The following FABP1 variants were observed in gnomAD, a reference collection of about 807,000 sequenced individuals.
The protein encoded by FABP1 is fatty acid-binding protein, liver.
A neutral mutation model predicts 13.7 loss-of-function variants in FABP1; 13 were observed. That is an observed-to-expected ratio of 0.95 (90% confidence interval 0.62 to 1.51). The LOEUF is 1.51. Ranked by LOEUF, FABP1 falls within the 40% of genes most tolerant of loss-of-function variation. FABP1 has a pLI of 0.00. For missense variants in FABP1, 140 were observed against 155.7 expected (o/e 0.90, Z 0.54); for synonymous variants, 48 against 59.8 (o/e 0.80, Z 0.91).
In FABP1 at chr2:88,126,306, C is replaced by CCCTTGATAT; in HGVS notation, c.101_109dup (p.Asp34_Lys36dup). On this transcript the variant is annotated inframe_insertion, in exon 2 of 4. Coordinates refer to ENST00000295834, the MANE Select transcript of FABP1 (RefSeq NM_001443.3). ...CCCATTCTGCACGATTTCCGACACC[C>CCCTTGATAT]CCTTGATATCCTTCCCCTTCTGGAT... 1 of 1,613,988 alleles carries CCCTTGATAT rather than the reference C, an allele frequency of 6.2e-7. No homozygotes were observed. Among genetic ancestry groups the CCCTTGATAT allele is most frequent in the South Asian group, 1.1e-5 (1 of 91,062 alleles).
In FABP1 at chr2:88,123,083, C is replaced by G; in HGVS notation, c.355G>C (p.Val119Leu). ...ITNTMTLGDI[V>L]FKRISKRI Reference sequence around the variant, plus strand: ...ATTCTCTTGCTGATTCTCTTGAAGACAATGTCACCCAATGTCATGGTCTGA... The same window carrying G: ...ATTCTCTTGCTGATTCTCTTGAAGAGAATGTCACCCAATGTCATGGTCTGA... The change falls in exon 4 of 4, where the codon GTC becomes CTC. Residue 119 changes from valine (V) to leucine (L), a missense_variant. Transcript: ENST00000295834. The G allele has an allele frequency of 1.2e-6, 2 of 1,611,758 alleles. No homozygotes were observed. Among genetic ancestry groups the G allele is most frequent in the Non-Finnish European group, 1.7e-6 (2 of 1,179,134 alleles).
intron 1 of FABP1, chr2:88,126,650 T>G: frequency 3.8e-5 from 10 of 262,356 alleles, no homozygotes; most frequent in East Asian, 6.8e-5. Context: ...TCCTTCCTCA[T>G]TCCCTCCTCC....
At position 88,126,225 on chromosome 2, in the gene FABP1, G is replaced by T. The variant is rs1421294364; in HGVS notation, c.191C>A (p.Thr64Lys). The change falls in exon 2 of 4, where the codon ACG becomes AAG. Residue 64 changes from threonine (T) to lysine (K), a missense_variant. By Grantham distance (78) the Thr-to-Lys change is moderately conservative. Transcript: ENST00000295834. ...AGSKVIQNEF[T>K]VGEECELETM... ...CTCCAGCTCACATTCCTCCCCCACC[G>T]TGAATTCGTTTTGGATCACTTTGGA... is the stretch of plus-strand genomic sequence containing the variant. 2 of 1,611,674 alleles carry T rather than the reference G, an allele frequency of 1.2e-6. No homozygotes were observed. Among genetic ancestry groups the T allele is most frequent in the Non-Finnish European group, 8.5e-7 (1 of 1,178,226 alleles).
At position 88,126,192 on chromosome 2, in the gene FABP1, G is replaced by C. The variant is rs763406593; in HGVS notation, c.224C>G (p.Thr75Arg). The change falls in exon 2 of 4, where the codon ACA (threonine) becomes AGA (arginine). Residue 75 changes from threonine (T) to arginine (R), a missense_variant. Transcript: ENST00000295834. ...CCCTCCTACCTTGACTTTCTCCCCT[G>C]TCATTGTCTCCAGCTCACATTCCTC... ...VGEECELETM[T>R]GEKVKTVVQL... 1.9e-6 allele frequency: 3 copies of C among 1,608,430 alleles called. No individual in the cohort carries two copies. The Admixed American group carries it at 5.0e-5, about 27-fold the overall frequency.
chr2:88,126,411 T>C (rs1345822334), intron 1 of FABP1, 63 bp from the exon 2 acceptor site: 8 of 1,542,206 alleles, frequency 5.2e-6, no homozygotes, highest in Non-Finnish European at 7.1e-6. Flanking sequence ...CCGTGGTAGG[T>C]AGGTGAGAGA....
intron 1 of FABP1, among the ~76,000 whole-genome samples, chr2:88,127,339 T>A (rs180699283): frequency 6.6e-6 from 1 of 152,294 alleles, no homozygotes; most frequent in East Asian, 1.9e-4. Context: ...CAATCCTAAC[T>A]TAAACACTTC....
rs1268462502 is a variant in FABP1 at position 88,126,252 on chromosome 2, C to T, written c.164G>A (p.Gly55Glu). Reference protein sequence around the residue: ...GKHFKFTITAGSKVIQNEFTV... With the variant: ...GKHFKFTITAESKVIQNEFTV... ...GAATTCGTTTTGGATCACTTTGGACCCAGCGGTGATGGTGAACTTGAAGTG... is the reference window on the plus strand; with the variant it reads ...GAATTCGTTTTGGATCACTTTGGACTCAGCGGTGATGGTGAACTTGAAGTG... The change falls in exon 2 of 4, where the codon GGG becomes GAG. Residue 55 changes from glycine to glutamate, a missense_variant. By Grantham distance (98) the Gly-to-Glu change is moderately conservative. Transcript: ENST00000295834. The T allele has an allele frequency of 1.2e-6, 2 of 1,613,856 alleles. No homozygotes were observed. Among genetic ancestry groups the T allele is most frequent in the Non-Finnish European group, 1.7e-6 (2 of 1,179,908 alleles).
intron 3 of FABP1, 104 bp downstream of exon 3, chr2:88,124,383 GGGTTGGA>G: frequency 1.4e-6 from 1 of 701,562 alleles, no homozygotes; most frequent in Non-Finnish European, 2.4e-6. Context: ...AGAAGTTTGG[GGGTTGGA>G]GGGTGGAGGG....
chr2:88,124,176 T>C, intron 3 of FABP1: 1 of 292,322 alleles, frequency 3.4e-6, no homozygotes. Flanking sequence ...GCTGCCATAA[T>C]ATGACCATGA....
intron 2 of FABP1, among the ~76,000 whole-genome samples, chr2:88,125,429 G>A (rs1388748188): frequency 6.6e-6 from 1 of 152,166 alleles, no homozygotes; most frequent in Non-Finnish European, 1.5e-5. Flanking sequence ...ACGGGGAGGA[G>A]AGAAGAGGGC....
intron 3 of FABP1, 33 bp from the exon 4 acceptor site, chr2:88,123,137 A>C: frequency 1.9e-6 from 3 of 1,580,330 alleles, no homozygotes; most frequent in Non-Finnish European, 2.6e-6. Flanking sequence ...TGAAGTGTTC[A>C]TCTGATGTTG....
intron 3 of FABP1, 109 bp downstream of exon 3, chr2:88,124,385 G>A: frequency 8.4e-6 from 6 of 717,436 alleles, no homozygotes; most frequent in East Asian, 2.7e-5. Context: ...AAGTTTGGGG[G>A]TTGGAGGGTG....
chr2:88,125,941 A>G, intron 2 of FABP1: 1 of 410,200 alleles, frequency 2.4e-6, no homozygotes, highest in East Asian at 3.5e-5. Flanking sequence ...TCCATATGGG[A>G]GAGCTCAGAC....
In FABP1 at chr2:88,123,062, T is replaced by C. The variant is rs1328118091; in HGVS notation, c.376A>G (p.Arg126Gly). ...ATGAAATGCAGACTTGTTTAAATTC[T>C]CTTGCTGATTCTCTTGAAGACAATG... Reference protein sequence around the residue: ...GDIVFKRISKRI With the variant: ...GDIVFKRISKGI The change falls in exon 4 of 4, where the codon AGA becomes GGA. Residue 126 changes from arginine (R) to glycine (G), a missense_variant. Physicochemically the swap from Arg to Gly is moderately radical, Grantham distance 125. Transcript: ENST00000295834. The C allele has an allele frequency of 6.2e-7, 1 of 1,610,362 alleles. No individual in the cohort carries two copies. The highest frequency in any genetic ancestry group is 8.5e-7 in the Non-Finnish European group (1 of 1,178,602).
At chr2:88,126,036 GTC>G (rs1675290182) in intron 2 of FABP1, 138 bp downstream of exon 2, 3 of 864,626 alleles carry the variant, frequency 3.5e-6, no homozygotes, top group Admixed American at 4.6e-5. Context: ...AGCTGCCTTT[GTC>G]TCTCTGCTTC....
chr2:88,123,235 A>G, intron 3 of FABP1, 131 bp from the exon 4 acceptor site: 1 of 744,122 alleles, frequency 1.3e-6, no homozygotes, highest in Non-Finnish European at 2.2e-6. Flanking sequence ...CAATTCAAAA[A>G]TTCGTCTGGT....
intron 3 of FABP1, 23 bp from the exon 4 acceptor site, chr2:88,123,127 T>C: frequency 6.2e-7 from 1 of 1,600,418 alleles, no homozygotes; most frequent in Non-Finnish European, 8.5e-7. Context: ...AAAGAAATTA[T>C]GAAGTGTTCA....
At chr2:88,124,681 T>C (rs911300842) in intron 2 of FABP1, 95 bp from the exon 3 acceptor site, 1 of 819,298 alleles carries the variant, frequency 1.2e-6, no homozygotes, top group Admixed American at 2.5e-5. Context: ...TCTCAGCTCA[T>C]AACAACCAAA....
rs1196468020 is a variant in FABP1, at chr2:88,124,516, A to G, written c.311T>C (p.Leu104Pro). 6.2e-7 allele frequency: 1 copy of G among 1,607,374 alleles called. No individual in the cohort carries two copies. Among genetic ancestry groups the G allele is most frequent in the Non-Finnish European group, 8.5e-7 (1 of 1,177,168 alleles). ...TFKNIKSVTE[L>P]NGDIITNTMT... ...TACATTGGTGATTATGTCGCCGTTG[A>G]GTTCGGTCACAGACTTGATGTTTTT... is the stretch of plus-strand genomic sequence containing the variant. Residue 104 changes from leucine to proline, a missense_variant, in exon 3 of 4, where the codon CTC (leucine) becomes CCC (proline). By Grantham distance (98) the Leu-to-Pro change is moderately conservative. Transcript: ENST00000295834.
Sources: gnomAD v4.1 joint callset for allele counts (sites outside exome capture counted in the v4.1 genomes callset) on GRCh38, gnomAD v4.1.1 for gene constraint, MANE v1.5 for transcripts, NCBI Gene and HGNC (gene_info 2026-07-23, HGNC 2026-07-21) for gene names.